Variants in NUFIP2 observed in about 807,000 individuals in gnomAD.
NUFIP2 encodes nuclear FMR1 interacting protein 2.
Under a neutral mutation model 56.9 loss-of-function variants are expected in NUFIP2, and 6 were observed. The observed-to-expected ratio is 0.11, with a 90% CI of 0.06 to 0.21. The LOEUF is 0.21. Among genes scored for constraint, NUFIP2 ranks in the 10% least tolerant of loss-of-function variants. The probability of loss-of-function intolerance (pLI) is 1.00; values close to 1 mark genes in which losing one functional copy is unlikely to be tolerated. For synonymous variants in NUFIP2, 321 were observed against 298.2 expected (o/e 1.08, Z -0.79); for missense variants, 828 against 826.8 (o/e 1.00, Z -0.02).
chr17:29,290,855 AATTAAAG>A (rs2069207888), intron 1 of NUFIP2, among the ~76,000 whole-genome samples: 1 of 151,972 alleles, frequency 6.6e-6, no homozygotes, highest in Non-Finnish European at 1.5e-5. Context: ...TTCAGATTTC[AATTAAAG>A]ATGAGCAATC....
chr17:29,261,696 C>A lies in NUFIP2; in HGVS notation c.*2843G>T, dbSNP rs1259698186. ...TGTGAGGACCTAAGGAGAAAGATTG[C>A]AACAAATAGAGTTAAGTGTTACCAA... On this transcript the variant is annotated 3_prime_UTR_variant, in exon 4 of 4. Coordinates refer to ENST00000225388, the MANE Select transcript of NUFIP2 (RefSeq NM_020772.3). The A allele has an allele frequency of 6.6e-6, 1 of 152,414 alleles. No homozygotes were observed. Among genetic ancestry groups the A allele is most frequent in the Non-Finnish European group, 1.5e-5 (1 of 67,982 alleles). The allele number at this position is 152,414 out of a possible 1,614,324, so 9.4% of individuals were successfully genotyped here.
chr17:29,283,870 G>T (rs1045936182), intron 2 of NUFIP2, among the ~76,000 whole-genome samples: 6 of 152,214 alleles, frequency 3.9e-5, no homozygotes, highest in African/African-American at 1.4e-4. Context: ...GAGAATAAGT[G>T]AAATCAGGTA....
chr17:29,284,706 C>CAAA (rs66700326), intron 2 of NUFIP2, among the ~76,000 whole-genome samples: 138 of 53,308 alleles, frequency 2.6e-3, no homozygotes, highest in African/African-American at 3.3e-3. Context: ...GACTCCATCT[C>CAAA]AAAAAAAAAA....
chr17:29,273,497 T>TACACACACAC (rs61077728), intron 2 of NUFIP2, among the ~76,000 whole-genome samples: 361 of 149,062 alleles, frequency 2.4e-3, no homozygotes, highest in African/African-American at 7.8e-3. Flanking sequence ...TGCTCTCTTC[T>TACACACACAC]ACACACACAC....
At chr17:29,269,760 G>A (rs1036297211) in intron 2 of NUFIP2, among the ~76,000 whole-genome samples, 2 of 150,808 alleles carry the variant, frequency 1.3e-5, no homozygotes, top group Admixed American at 6.6e-5. Context: ...TTTTTGAGTC[G>A]CCCAGGCTGG....
intron 2 of NUFIP2, among the ~76,000 whole-genome samples, chr17:29,284,011 C>T (rs1337635089): frequency 3.3e-5 from 5 of 152,154 alleles, no homozygotes; most frequent in East Asian, 1.9e-4. Context: ...GATAAGGAAA[C>T]GTATGCAGAC....
Position 29,287,049 on chromosome 17 carries a change from A to G in NUFIP2, c.945T>C (p.Phe315=), listed in dbSNP as rs2069181024. ...DSKPGVSSKK[F]DDRPKGKHAS... ...CATGCTTTCCTTTGGGCCGATCATC[A>G]AACTTTTTGCTGCTCACACCAGGTT... Residue 315 remains phenylalanine (F), a synonymous_variant, in exon 2 of 4, where the codon TTT becomes TTC. Transcript: ENST00000225388. 4 of 1,614,142 alleles carry G rather than the reference A, an allele frequency of 2.5e-6. No individual in the cohort carries two copies. Among genetic ancestry groups the G allele is most frequent in the South Asian group, 1.1e-5 (1 of 91,080 alleles).
chr17:29,279,490 T>C (rs889616947), intron 2 of NUFIP2, among the ~76,000 whole-genome samples: 2 of 152,202 alleles, frequency 1.3e-5, no homozygotes, highest in African/African-American at 4.8e-5. Context: ...ATTGGTGCCA[T>C]ATTAATCTAC....
At chr17:29,289,574 A>G (rs531377141) in intron 1 of NUFIP2, among the ~76,000 whole-genome samples, 2 of 152,268 alleles carry the variant, frequency 1.3e-5, no homozygotes, top group Non-Finnish European at 2.9e-5. Flanking sequence ...CCTGGGCAAC[A>G]AGAGCAAAAT....
rs2068974138 is a variant in NUFIP2, at chr17:29,256,836, TAA to T, written c.*7701_*7702del. On this transcript the variant is annotated 3_prime_UTR_variant, in exon 4 of 4. Coordinates refer to ENST00000225388, the MANE Select transcript of NUFIP2 (RefSeq NM_020772.3). ...GTTCTAATCAGCTTGGGCAATTTTT[TAA>T]AAGATACACGTTATCTTTAAAACAA... 1.3e-5 allele frequency: 2 copies of T among 152,198 alleles called. No homozygotes were observed. The highest frequency in any genetic ancestry group is 6.5e-5 in the Admixed American group (1 of 15,280). The allele number at this position is 152,198 out of a possible 1,614,324, so 9.4% of individuals were successfully genotyped here.
intron 1 of NUFIP2, among the ~76,000 whole-genome samples, chr17:29,288,320 C>T (rs1243664958): frequency 6.6e-6 from 1 of 152,270 alleles, no homozygotes; most frequent in African/African-American, 2.4e-5. Context: ...GCTAGGATTA[C>T]AGGCGTGAGC....
intron 2 of NUFIP2, among the ~76,000 whole-genome samples, chr17:29,274,397 C>T (rs2069095009): frequency 6.6e-6 from 1 of 152,080 alleles, no homozygotes; most frequent in African/African-American, 2.4e-5. Context: ...TGCTCGAGTC[C>T]AAGAATTCAA....
In NUFIP2 at chr17:29,287,533, A is replaced by T; in HGVS notation, c.461T>A (p.Phe154Tyr). ...FGKAGIKTKN[F>Y]IQKNSMDKKN... Reference sequence around the variant, plus strand: ...TTTGTCCATACTGTTTTTCTGAATGAAATTCTTGGTTTTAATTCCTGCTTT... The same window carrying T: ...TTTGTCCATACTGTTTTTCTGAATGTAATTCTTGGTTTTAATTCCTGCTTT... Residue 154 changes from phenylalanine (F) to tyrosine (Y), a missense_variant, in exon 2 of 4, where the codon TTC (phenylalanine) becomes TAC (tyrosine). Phe to Tyr is a conservative substitution (Grantham distance 22, BLOSUM62 3). Transcript: ENST00000225388. 1 of 1,614,024 alleles carries T rather than the reference A, an allele frequency of 6.2e-7. No homozygotes were observed. Among genetic ancestry groups the T allele is most frequent in the Non-Finnish European group, 8.5e-7 (1 of 1,180,006 alleles).
In NUFIP2 at chr17:29,286,856, A is replaced by G. The variant is rs1376540884; in HGVS notation, c.1138T>C (p.Ser380Pro). ...IQNSSVSPTS[S>P]SSSSSSTGET... ...CCGGTAGATGATGAAGATGATGAAGATGAAGTTGGTGACACAGAAGAGTTC... is the reference window on the plus strand; with the variant it reads ...CCGGTAGATGATGAAGATGATGAAGGTGAAGTTGGTGACACAGAAGAGTTC... The change falls in exon 2 of 4, where the codon TCT becomes CCT. Residue 380 changes from serine to proline, a missense_variant. Ser to Pro is a moderately conservative substitution (Grantham distance 74, BLOSUM62 -1). Transcript: ENST00000225388. 3 of 1,614,120 alleles carry G rather than the reference A, an allele frequency of 1.9e-6. No homozygotes were observed. The highest frequency in any genetic ancestry group is 2.5e-6 in the Non-Finnish European group (3 of 1,180,006).
chr17:29,277,031 ATTGT>A (rs777402672), intron 2 of NUFIP2, among the ~76,000 whole-genome samples: 20 of 152,182 alleles, frequency 1.3e-4, no homozygotes, highest in Non-Finnish European at 1.3e-4. Context: ...CTAATAGAAC[ATTGT>A]TTGTTTTTGG....
chr17:29,277,401 AAACT>A (rs1426832531), intron 2 of NUFIP2, among the ~76,000 whole-genome samples: 5 of 152,296 alleles, frequency 3.3e-5, no homozygotes, highest in Admixed American at 1.3e-4. Context: ...AATGCCAAAC[AAACT>A]GACTCCCACA....
chr17:29,293,744 C>T (rs1317875143), intron 1 of NUFIP2, 39 bp downstream of exon 1: 2 of 1,290,930 alleles, frequency 1.5e-6, no homozygotes, highest in East Asian at 2.4e-5. Context: ...CTGTCCTCCA[C>T]CCCCAACCCC....
chr17:29,287,186 C>T lies in NUFIP2; in HGVS notation c.808G>A (p.Gly270Arg), dbSNP rs1287584783. The T allele has an allele frequency of 6.2e-7, 1 of 1,614,120 alleles. No homozygotes were observed. The highest frequency in any genetic ancestry group is 2.2e-5 in the East Asian group (1 of 44,884). Residue 270 changes from glycine (G) to arginine (R), a missense_variant, in exon 2 of 4, where the codon GGA (glycine) becomes AGA (arginine). Physicochemically the swap from Gly to Arg is moderately radical, Grantham distance 125. This residue lies in a region of NUFIP2 where 415 missense variants were observed against 408.7 expected (regional missense o/e 1.02). Transcript: ENST00000225388. ...GGCTTCGAACCATCTACTCGATTTC[C>T]CTTTTGTTCACTATAGTCAGGCTTG... Reference protein sequence around the residue: ...TFKPDYSEQKGNRVDGSKPIW... With the variant: ...TFKPDYSEQKRNRVDGSKPIW...
chr17:29,277,811 G>T lies in NUFIP2; in HGVS notation c.2002+8181C>A, dbSNP rs529177732. 2.6e-5 allele frequency among the ~76,000 whole-genome samples: 4 copies of T among 152,208 alleles called. No individual in the cohort carries two copies. In the South Asian group the frequency reaches 8.3e-4, roughly 32 times the overall value. On this transcript the variant is annotated intron_variant, in intron 2 of 3. Transcript: ENST00000225388. ...GTGGATCACCTGAGGTCAGGAGTTT[G>T]AGACCAGCCTGACCAACATGGTGAA...
Sources: gnomAD v4.1 joint callset for allele counts (sites outside exome capture counted in the v4.1 genomes callset) on GRCh38, gnomAD v4.1.1 for gene constraint, gnomAD v4.1.1 regional missense constraint, MANE v1.5 for transcripts, NCBI Gene and HGNC (gene_info 2026-07-23, HGNC 2026-07-21) for gene names.